The following NOL6 variants were observed in gnomAD, a reference collection of about 807,000 sequenced individuals.
NOL6 encodes nucleolar RNA-associated protein.
In NOL6, 33 loss-of-function variants were observed where a neutral mutation model predicts 131.7. That is an observed-to-expected ratio of 0.25 (90% CI 0.19 to 0.33). NOL6 has a LOEUF of 0.33. NOL6 is among the 10% of genes least tolerant of loss of function. NOL6 has a pLI of 1.00. For missense variants in NOL6, 1,297 were observed against 1,494.5 expected (o/e 0.87, Z 2.18); for synonymous variants, 580 against 605.7 (o/e 0.96, Z 0.62).
At position 33,461,571 on chromosome 9, in the gene NOL6, G is replaced by A. The variant is rs1162109756; in HGVS notation, c.*1093C>T. On this transcript the variant is annotated 3_prime_UTR_variant, in exon 26 of 26. Coordinates refer to ENST00000297990, the MANE Select transcript of NOL6 (RefSeq NM_022917.5). Reference sequence around the variant, plus strand: ...CTAAGTGTTGGGATTACAAGCATAAGCCACCACGCCCAGCTGCAATTTAAT... The same window carrying A: ...CTAAGTGTTGGGATTACAAGCATAAACCACCACGCCCAGCTGCAATTTAAT... The A allele has an allele frequency of 6.6e-6, 1 of 152,438 alleles. No homozygotes were observed. The highest frequency in any genetic ancestry group is 1.5e-5 in the Non-Finnish European group (1 of 68,218). 9.4% of individuals were successfully genotyped at this position (152,438 alleles called of 1,614,324 possible). A position where few individuals can be genotyped will look rare whatever the true frequency, so the allele number is the denominator to read the frequency against.
rs746372116 is a variant in NOL6, at chr9:33,466,688, C to A, written c.1972G>T (p.Ala658Ser). The change falls in exon 16 of 26, where the codon GCC (alanine) becomes TCC (serine). Residue 658 changes from alanine to serine, a missense_variant. By Grantham distance (99) the Ala-to-Ser change is moderately conservative. Coordinates refer to ENST00000297990, the MANE Select transcript of NOL6 (RefSeq NM_022917.5). Reference sequence around the variant, plus strand: ...TAGCAACGTACCGCCGCTACCAGGGCCTCCTCACCTGTGCTGGAGGTCTGA... The same window carrying A: ...TAGCAACGTACCGCCGCTACCAGGGACTCCTCACCTGTGCTGGAGGTCTGA... ...LKETSSTGEE[A>S]LVAAVRCYDD... The A allele has an allele frequency of 6.2e-6, 10 of 1,613,708 alleles. No individual in the cohort carries two copies. The highest frequency in any genetic ancestry group is 1.1e-5 in the South Asian group (1 of 91,090).
intron 5 of NOL6, 38 bp from the exon 6 acceptor site, chr9:33,469,379 C>A (rs780580604): frequency 2.5e-6 from 4 of 1,613,282 alleles, no homozygotes; most frequent in Non-Finnish European, 2.5e-6. Flanking sequence ...CTGCAGGAGC[C>A]CTTGGAGCCA....
rs1264272855 is a variant in NOL6 at position 33,463,143 on chromosome 9, G to A, written c.3190-9C>T. 6.2e-7 allele frequency: 1 copy of A among 1,611,600 alleles called. No individual in the cohort carries two copies. Among genetic ancestry groups the A allele is most frequent in the South Asian group, 1.1e-5 (1 of 90,810 alleles). ...AGATCCCCAAAGGCCTCCTAGAAAG[G>A]GACAGAACAGAGAAGATTATAGGCA... On this transcript the variant is annotated splice_polypyrimidine_tract_variant and intron_variant, in intron 24 of 25. Transcript: ENST00000297990.
Position 33,463,144 on chromosome 9 carries a change from G to A in NOL6, c.3190-10C>T, listed in dbSNP as rs1314507316. Reference sequence around the variant, plus strand: ...GATCCCCAAAGGCCTCCTAGAAAGGGACAGAACAGAGAAGATTATAGGCAG... The same window carrying A: ...GATCCCCAAAGGCCTCCTAGAAAGGAACAGAACAGAGAAGATTATAGGCAG... On this transcript the variant is annotated splice_polypyrimidine_tract_variant and intron_variant, in intron 24 of 25. Coordinates refer to ENST00000297990, the MANE Select transcript of NOL6 (RefSeq NM_022917.5). 5 of 1,611,466 alleles carry A rather than the reference G, an allele frequency of 3.1e-6. No homozygotes were observed. In the South Asian group the frequency reaches 5.5e-5, roughly 18 times the overall value.
At chr9:33,465,058 CT>C in intron 20 of NOL6, 82 bp from the exon 21 acceptor site, 1 of 1,465,324 alleles carries the variant, frequency 6.8e-7, no homozygotes, top group Non-Finnish European at 9.5e-7. Flanking sequence ...CTCAGACCCC[CT>C]GGTGTGGATT....
intron 21 of NOL6, among the ~76,000 whole-genome samples, chr9:33,464,394 C>T (rs1221509077): frequency 1.3e-5 from 2 of 152,178 alleles, no homozygotes; most frequent in African/African-American, 4.8e-5. Flanking sequence ...TTGGCACCCC[C>T]AGTCTGGTTT....
At position 33,461,983 on chromosome 9, in the gene NOL6, G is replaced by A. The variant is rs1372725965; in HGVS notation, c.*681C>T. 54 of 598,694 alleles carry A rather than the reference G, an allele frequency of 9.0e-5. No homozygotes were observed. Among genetic ancestry groups the A allele is most frequent in the Non-Finnish European group, 2.1e-5 (7 of 328,174 alleles). The allele number at this position is 598,694 out of a possible 1,614,324, so 37.1% of individuals were successfully genotyped here. ...ATGCAGCTAACGGGTAGCCCCCAGT[G>A]CTTTTTGCACCTCTCCAAGATTGGG... is the stretch of plus-strand genomic sequence containing the variant. On this transcript the variant is annotated 3_prime_UTR_variant, in exon 26 of 26. Coordinates refer to ENST00000297990, the MANE Select transcript of NOL6 (RefSeq NM_022917.5).
intron 15 of NOL6, 67 bp from the exon 16 acceptor site, chr9:33,466,776 C>A: frequency 6.3e-7 from 1 of 1,596,210 alleles, no homozygotes; most frequent in Non-Finnish European, 8.6e-7. Flanking sequence ...GATTCTGCCC[C>A]AGCTCAGGCT....
intron 8 of NOL6, 55 bp from the exon 9 acceptor site, chr9:33,468,621 A>C: frequency 6.2e-7 from 1 of 1,608,622 alleles, no homozygotes; most frequent in African/African-American, 1.3e-5. Context: ...ACCCAGCCCT[A>C]ATGACACCCT....
At chr9:33,470,262 G>A in intron 3 of NOL6, 71 bp from the exon 4 acceptor site, 1 of 1,320,276 alleles carries the variant, frequency 7.6e-7, no homozygotes, top group South Asian at 1.7e-5. Context: ...ATGTCTAGAA[G>A]ACATTTTAAC....
chr9:33,463,234 G>A lies in NOL6; in HGVS notation c.3189+13C>T, dbSNP rs1563875436. On this transcript the variant is annotated intron_variant, in intron 24 of 25. Transcript: ENST00000297990. ...AGTCCCCTCCCCAGGTCATTCAGCT[G>A]TTTAGGACCAACCCTGAGCTGCGTC... is the stretch of plus-strand genomic sequence containing the variant. 1 of 1,613,218 alleles carries A rather than the reference G, an allele frequency of 6.2e-7. No homozygotes were observed. Among genetic ancestry groups the A allele is most frequent in the Non-Finnish European group, 8.5e-7 (1 of 1,179,466 alleles).
chr9:33,467,272 C>G lies in NOL6; in HGVS notation c.1726-10G>C. On this transcript the variant is annotated splice_polypyrimidine_tract_variant and intron_variant, in intron 13 of 25. Coordinates refer to ENST00000297990, the MANE Select transcript of NOL6 (RefSeq NM_022917.5). The surrounding 1 kb of genome is among the most constrained non-coding windows in gnomAD (Gnocchi z 4.4). Reference sequence around the variant, plus strand: ...GGCGGAATTTAGCAGCCTGAGGAGGCAAGGGTGGTAGTAGAGCTGGGGAAG... The same window carrying G: ...GGCGGAATTTAGCAGCCTGAGGAGGGAAGGGTGGTAGTAGAGCTGGGGAAG... 6.2e-7 allele frequency: 1 copy of G among 1,613,896 alleles called. No individual in the cohort carries two copies. The highest frequency in any genetic ancestry group is 1.7e-5 in the Admixed American group (1 of 60,010).
In NOL6 at chr9:33,462,012, CTA is replaced by C; in HGVS notation, c.*650_*651del. 1 of 637,970 alleles carries C rather than the reference CTA, an allele frequency of 1.6e-6. No individual in the cohort carries two copies. The highest frequency in any genetic ancestry group is 2.8e-5 in the East Asian group (1 of 36,286). The allele number at this position is 637,970 out of a possible 1,614,324, so 39.5% of individuals were successfully genotyped here. On this transcript the variant is annotated 3_prime_UTR_variant, in exon 26 of 26. Transcript: ENST00000297990. ...TTTGCACCTCTCCAAGATTGGGTGA[CTA>C]CCAGTCCCCTGACCCCTTCACCTAC...
chr9:33,467,206 G>A lies in NOL6; in HGVS notation c.1782C>T (p.Asp594=), dbSNP rs752381435. The A allele has an allele frequency of 1.8e-5, 29 of 1,614,074 alleles. 1 individual carries two copies. Among genetic ancestry groups the A allele is most frequent in the South Asian group, 7.7e-5 (7 of 91,086 alleles). Residue 594 remains aspartate (D), a synonymous_variant, in exon 14 of 26, where the codon GAC becomes GAT. Transcript: ENST00000297990. The surrounding 1 kb of genome is among the most constrained non-coding windows in gnomAD (Gnocchi z 4.4). ...GSRSELRRFQ[D]GAIREAVVWE... The stretch of plus-strand genomic sequence containing the variant: ...AGACCACAGCTTCCCGAATGGCTCC[G>A]TCCTGGAAACGCCGAAGCTCCGAGC...
rs766422583 is a variant in NOL6, at chr9:33,463,443, TAAGG to T, written c.2995-6_2995-3del. On this transcript the variant is annotated splice_polypyrimidine_tract_variant and splice_region_variant and intron_variant, in intron 23 of 25. Coordinates refer to ENST00000297990, the MANE Select transcript of NOL6 (RefSeq NM_022917.5). ...GTCCAAGGGCGGCCGGAACACTGTC[TAAGG>T]AAGGGGAGAAGGAGGGGTCAGCAGG... is the stretch of plus-strand genomic sequence containing the variant. 215 of 1,603,068 alleles carry T rather than the reference TAAGG, an allele frequency of 1.3e-4. No homozygotes were observed. The highest frequency in any genetic ancestry group is 1.8e-4 in the Non-Finnish European group (214 of 1,173,508).
chr9:33,466,175 C>T lies in NOL6; in HGVS notation c.2260G>A (p.Val754Met), dbSNP rs770065148. The T allele has an allele frequency of 2.5e-5, 40 of 1,612,844 alleles. No homozygotes were observed. The highest frequency in any genetic ancestry group is 8.0e-5 in the African/African-American group (6 of 74,932). ...TGGAAGGCAGCTCGGACCCGCTGCA[C>T]GGCCTCAGCGTCCTGTGGCCACTGG... is the stretch of plus-strand genomic sequence containing the variant. ...SGQWPQDAEAVQRVRAAFQLR... is the reference protein window; with the variant it reads ...SGQWPQDAEAMQRVRAAFQLR... The change falls in exon 18 of 26, where the codon GTG (valine) becomes ATG (methionine). Residue 754 changes from valine to methionine, a missense_variant. Coordinates refer to ENST00000297990, the MANE Select transcript of NOL6 (RefSeq NM_022917.5).
chr9:33,465,209 C>T lies in NOL6; in HGVS notation c.2679G>A (p.Pro893=), dbSNP rs374388401. ...GGGGAAAAAGTGGAGGGAATCACCT[C>T]GGAGGGGTGAAGGGCTCAGGGTGCA... ...LFLHPEPFTP[P]SSPQVGFLRF... Residue 893 remains proline, a splice_region_variant and synonymous_variant, in exon 20 of 26, where the codon CCG becomes CCA. Coordinates refer to ENST00000297990, the MANE Select transcript of NOL6 (RefSeq NM_022917.5). 53 of 1,590,532 alleles carry T rather than the reference C, an allele frequency of 3.3e-5. No homozygotes were observed. The highest frequency in any genetic ancestry group is 3.9e-5 in the Non-Finnish European group (46 of 1,168,044).
chr9:33,461,652 G>C lies in NOL6; in HGVS notation c.*1012C>G, dbSNP rs757206981. On this transcript the variant is annotated 3_prime_UTR_variant, in exon 26 of 26. Transcript: ENST00000297990. Reference sequence around the variant, plus strand: ...ATGCCACTGTGTGTGCCTGCCAAACGAACTGAACAGACAGTAACTGCTCTA... The same window carrying C: ...ATGCCACTGTGTGTGCCTGCCAAACCAACTGAACAGACAGTAACTGCTCTA... 6.5e-6 allele frequency: 1 copy of C among 153,308 alleles called. No homozygotes were observed. The allele number at this position is 153,308 out of a possible 1,614,324, so 9.5% of individuals were successfully genotyped here.
chr9:33,462,568 A>G lies in NOL6; in HGVS notation c.*96T>C. On this transcript the variant is annotated 3_prime_UTR_variant, in exon 26 of 26. Transcript: ENST00000297990. ...TCAGCCAGCAGGCCCTCCATGGAGG[A>G]TTCATGTCCAAGGAGGGTGGAGGTC... is the stretch of plus-strand genomic sequence containing the variant. The G allele has an allele frequency of 2.2e-6, 3 of 1,393,736 alleles. No homozygotes were observed. The highest frequency in any genetic ancestry group is 3.0e-6 in the Non-Finnish European group (3 of 1,004,920). The allele number at this position is 1,393,736 out of a possible 1,614,324, so 86.3% of individuals were successfully genotyped here.
Sources: allele counts gnomAD v4.1 joint callset (sites outside exome capture counted in the v4.1 genomes callset), GRCh38; gene constraint gnomAD v4.1.1; non-coding constraint Gnocchi (gnomAD v3.1); transcripts MANE v1.5; gene names NCBI Gene and HGNC (gene_info 2026-07-23, HGNC 2026-07-21).